FERMT1: variants seen among roughly 807,000 people sequenced by gnomAD.
FERMT1 encodes fermitin family homolog 1.
A neutral mutation model predicts 85.3 loss-of-function variants in FERMT1; 60 were observed. The ratio of observed to expected loss-of-function variants is 0.70; its 90% CI spans 0.57 to 0.87. The LOEUF is 0.87. Among genes scored for constraint, FERMT1 ranks in the 40% least tolerant of loss-of-function variants. FERMT1 has a pLI of 0.00. For missense variants in FERMT1, 701 were observed against 818.9 expected, an observed-to-expected ratio of 0.86 and a Z score of 1.76; for synonymous variants, 275 against 301.1, an observed-to-expected ratio of 0.91 and a Z score of 0.90.
chr20:6,087,427 C>T (rs1982216410), intron 11 of FERMT1, among the ~76,000 whole-genome samples: 1 of 152,208 alleles, frequency 6.6e-6, no homozygotes, highest in Admixed American at 6.5e-5. Context: ...TCTCCTGCCT[C>T]AGCCTCCCAA....
rs377482365 is a variant in FERMT1, at chr20:6,085,035, C to T, written c.1593+31G>A. The T allele has an allele frequency of 5.7e-6, 9 of 1,577,512 alleles. No individual in the cohort carries two copies. The African/African-American group carries it at 9.4e-5, about 17-fold the overall frequency. ...TTCTGTTTGCATAAAGAATTTACTG[C>T]AAACAATTGCCCTAACAAGATTAAC... On this transcript the variant is annotated intron_variant, in intron 12 of 14. Coordinates refer to ENST00000217289, the MANE Select transcript of FERMT1 (RefSeq NM_017671.5).
intron 6 of FERMT1, among the ~76,000 whole-genome samples, chr20:6,105,506 G>T (rs1299414336): frequency 2.6e-5 from 4 of 152,188 alleles, no homozygotes. Context: ...TATGCCAGTT[G>T]TTGCTGCTGT....
In FERMT1 at chr20:6,110,352, A is replaced by G; in HGVS notation, c.692T>C (p.Leu231Pro). ...AGACCGAGGCTGGTACATATCCGCA[A>G]GTGCTTCTGGGGACTGGGGGGGTTG... ...FSQPPQSPEA[L>P]ADMYQPRSLV... is the part of the protein sequence containing the mutation. The change falls in exon 5 of 15, where the codon CTT (leucine) becomes CCT (proline). Residue 231 changes from leucine (L) to proline (P), a missense_variant. By Grantham distance (98) the Leu-to-Pro change is moderately conservative. Coordinates refer to ENST00000217289, the MANE Select transcript of FERMT1 (RefSeq NM_017671.5). The G allele has an allele frequency of 1.2e-6, 2 of 1,613,784 alleles. No individual in the cohort carries two copies. The highest frequency in any genetic ancestry group is 1.7e-6 in the Non-Finnish European group (2 of 1,179,888).
intron 13 of FERMT1, among the ~76,000 whole-genome samples, chr20:6,080,959 A>G (rs6117070): frequency 0.16 from 24,539 of 152,116 alleles, 2,540 homozygotes; most frequent in African/African-American, 0.3. Context: ...GAACCCAAGA[A>G]GGTGAGTAGA....
chr20:6,107,110 C>T (rs59169161), intron 6 of FERMT1, among the ~76,000 whole-genome samples: 5,768 of 147,784 alleles, frequency 0.039, 365 homozygotes, highest in African/African-American at 0.14. Flanking sequence ...GCAAAAGAAT[C>T]GCTTGAACCC....
At chr20:6,122,151 T>TC (rs138072698) in intron 1 of FERMT1, among the ~76,000 whole-genome samples, 44 of 152,354 alleles carry the variant, frequency 2.9e-4, no homozygotes, top group African/African-American at 1.0e-3. Context: ...AGATGCTGAT[T>TC]CCCCTTACAA....
At chr20:6,119,846 T>C (rs1313680886) in intron 1 of FERMT1, among the ~76,000 whole-genome samples, 1 of 152,234 alleles carries the variant, frequency 6.6e-6, no homozygotes, top group Non-Finnish European at 1.5e-5. Context: ...ATGTATTTCC[T>C]TCGTCCACCC....
rs371393137 is a variant in FERMT1 at position 6,088,598 on chromosome 20, C to T, written c.1264+367G>A. On this transcript the variant is annotated intron_variant, in intron 10 of 14. Transcript: ENST00000217289. ...GTAAGTAAACCGTGCCTCATGGTGT[C>T]GAAACCCTGACTTTAATCTGCTCAC... Among the ~76,000 whole-genome samples the T allele has an allele frequency of 2.1e-4, 32 of 149,838 alleles. No individual in the cohort carries two copies. The South Asian group carries it at 4.9e-3, about 23-fold the overall frequency.
chr20:6,094,789 G>C (rs992532382), intron 9 of FERMT1, 150 bp downstream of exon 9: 3 of 665,786 alleles, frequency 4.5e-6, no homozygotes, highest in East Asian at 5.3e-5. Flanking sequence ...GTAGAGCTAC[G>C]ACTCAACCCA....
At chr20:6,092,279 T>C (rs1184051491) in intron 9 of FERMT1, among the ~76,000 whole-genome samples, 2 of 152,094 alleles carry the variant, frequency 1.3e-5, no homozygotes, top group African/African-American at 4.8e-5. Context: ...GCATGGTGGC[T>C]CATGCCTGGA....
At chr20:6,087,456 AC>A (rs1982217087) in intron 11 of FERMT1, among the ~76,000 whole-genome samples, 1 of 152,118 alleles carries the variant, frequency 6.6e-6, no homozygotes, top group Non-Finnish European at 1.5e-5. Context: ...GATTACAGGC[AC>A]CCACCACCAT....
In FERMT1 at chr20:6,097,028, G is replaced by A. The variant is rs753896502; in HGVS notation, c.963C>T (p.His321=). The A allele has an allele frequency of 1.9e-6, 3 of 1,613,496 alleles. No homozygotes were observed. Among genetic ancestry groups the A allele is most frequent in the Admixed American group, 1.7e-5 (1 of 59,986 alleles). ...CAGCAGACAACGACAGTTTGCTAAT[G>A]TGGTACTAAAATGAAAACAGACGTT... The part of the protein sequence containing the change: ...EMLIFAALQY[H]ISKLSLSAET... Residue 321 remains histidine, a synonymous_variant, in exon 8 of 15, where the codon CAC becomes CAT. Transcript: ENST00000217289.
chr20:6,082,243 C>T (rs932154621), intron 13 of FERMT1, among the ~76,000 whole-genome samples: 5 of 152,220 alleles, frequency 3.3e-5, no homozygotes, highest in African/African-American at 1.2e-4. Flanking sequence ...CAGGCCCACA[C>T]CACGCTTCAC....
At chr20:6,088,285 C>T (rs1032543848) in intron 10 of FERMT1, among the ~76,000 whole-genome samples, 3 of 152,158 alleles carry the variant, frequency 2.0e-5, no homozygotes, top group Admixed American at 6.5e-5. Flanking sequence ...TCAGGACGCT[C>T]ACAGTGACCT....
At chr20:6,083,553 G>T (rs1982059672) in intron 13 of FERMT1, among the ~76,000 whole-genome samples, 2 of 151,944 alleles carry the variant, frequency 1.3e-5, no homozygotes, top group Admixed American at 6.6e-5. Context: ...TCGTAGCCAG[G>T]TGTGGTGGCT....
At chr20:6,089,437 C>T (rs1982285598) in intron 9 of FERMT1, among the ~76,000 whole-genome samples, 1 of 152,172 alleles carries the variant, frequency 6.6e-6, no homozygotes, top group Non-Finnish European at 1.5e-5. Flanking sequence ...ATGAGTTCAT[C>T]TACATGAAGA....
intron 6 of FERMT1, among the ~76,000 whole-genome samples, chr20:6,098,216 A>G (rs915381064): frequency 2.0e-5 from 3 of 152,148 alleles, no homozygotes; most frequent in Admixed American, 2.0e-4. Flanking sequence ...GTAGTAATAG[A>G]TAGTAAAAAT....
chr20:6,088,626 CTTTTT>C (rs11475498), intron 10 of FERMT1, among the ~76,000 whole-genome samples: 14 of 121,178 alleles, frequency 1.2e-4, no homozygotes, highest in Admixed American at 6.9e-4. Context: ...CTGCTCACCT[CTTTTT>C]TTTTTTTTTT....
rs35916682 is a variant in FERMT1 at position 6,084,695 on chromosome 20, C to CTTTT, written c.1593+367_1593+370dup. On this transcript the variant is annotated intron_variant, in intron 12 of 14. Coordinates refer to ENST00000217289, the MANE Select transcript of FERMT1 (RefSeq NM_017671.5). ...TACTCTTAATTAGATGGAATTACTC[C>CTTTT]TTTTTTTTTTTTTTCTGAGACACAG... is the stretch of plus-strand genomic sequence containing the variant. 4.7e-3 allele frequency among the ~76,000 whole-genome samples: 675 copies of CTTTT among 144,276 alleles called. 3 individuals carry two copies. The highest frequency in any genetic ancestry group is 0.017 in the African/African-American group (651 of 39,158). The allele number at this position is 144,276 out of a possible 152,430, so 94.7% of individuals were successfully genotyped here.
Sources: gnomAD v4.1 joint callset for allele counts (sites outside exome capture counted in the v4.1 genomes callset) on GRCh38, gnomAD v4.1.1 for gene constraint, MANE v1.5 for transcripts, NCBI Gene and HGNC (gene_info 2026-07-23, HGNC 2026-07-21) for gene names.